Variants in CWH43 observed in about 807,000 individuals in gnomAD.
The protein encoded by CWH43 is PGAP2-interacting protein.
Under a neutral mutation model 85.7 loss-of-function variants are expected in CWH43, and 91 were observed. The observed-to-expected ratio is 1.06, with a 90% CI of 0.90 to 1.26. The LOEUF (loss-of-function observed/expected upper bound fraction) is 1.26, where lower values mean the gene tolerates loss of function less well. Among genes scored for constraint, CWH43 ranks in the 50% most tolerant of loss-of-function variants. The pLI is 0.00. For synonymous variants in CWH43, 323 were observed against 293.6 expected (o/e 1.10, Z -1.02); for missense variants, 869 against 839.2 (o/e 1.04, Z -0.44).
At chr4:49,052,362 A>G (rs1365803227) in intron 15 of CWH43, among the ~76,000 whole-genome samples, 1 of 152,196 alleles carries the variant, frequency 6.6e-6, no homozygotes, top group African/African-American at 2.4e-5. Flanking sequence ...AAAATGGGAA[A>G]AATAGTAGTG....
intron 4 of CWH43, 106 bp from the exon 5 acceptor site, chr4:48,994,513 T>C: frequency 1.1e-6 from 1 of 918,256 alleles, no homozygotes; most frequent in Middle Eastern, 3.1e-4. Flanking sequence ...CGAAGTAAGC[T>C]TCTTGAAGCC....
At position 49,032,732 on chromosome 4, in the gene CWH43, C is replaced by G. The variant is rs1784139750; in HGVS notation, c.1658+17C>G. The G allele has an allele frequency of 2.5e-6, 4 of 1,613,142 alleles. No homozygotes were observed. The highest frequency in any genetic ancestry group is 3.4e-6 in the Non-Finnish European group (4 of 1,179,144). ...GAACCACGAGTGGGTTTCTTTGGCC[C>G]ACCTAATATTACACAAATGCCAAGA... On this transcript the variant is annotated intron_variant, in intron 12 of 15. Transcript: ENST00000226432.
In CWH43 at chr4:49,008,472, C is replaced by T. The variant is rs190896211; in HGVS notation, c.1186+1146C>T. On this transcript the variant is annotated intron_variant, in intron 8 of 15. Coordinates refer to ENST00000226432, the MANE Select transcript of CWH43 (RefSeq NM_025087.3). ...TTTCTTTTGCTGTGCAGAAGCTCTT[C>T]AGTTTAATTAGATCCCATTTGTCAA... Among the ~76,000 whole-genome samples the T allele has an allele frequency of 2.6e-5, 4 of 152,022 alleles. No homozygotes were observed. In the South Asian group the frequency reaches 6.2e-4, roughly 24 times the overall value.
intron 8 of CWH43, among the ~76,000 whole-genome samples, chr4:49,008,431 T>C (rs1223600939): frequency 1.3e-5 from 2 of 152,198 alleles, no homozygotes; most frequent in East Asian, 3.8e-4. Flanking sequence ...AGGTTTCCTG[T>C]TCACTCTGAT....
chr4:48,997,394 G>T (rs1035242921), intron 5 of CWH43, among the ~76,000 whole-genome samples: 1 of 151,974 alleles, frequency 6.6e-6, no homozygotes, highest in Non-Finnish European at 1.5e-5. Context: ...TTTATTATAT[G>T]TTTCCCCCAC....
At chr4:49,006,439 T>A (rs1783160181) in intron 7 of CWH43, among the ~76,000 whole-genome samples, 2 of 152,174 alleles carry the variant, frequency 1.3e-5, no homozygotes, top group Non-Finnish European at 2.9e-5. Context: ...AAAGAATATT[T>A]ATTATATCAG....
chr4:49,038,263 C>T, intron 13 of CWH43, 83 bp downstream of exon 13: 1 of 1,270,668 alleles, frequency 7.9e-7, no homozygotes, highest in Non-Finnish European at 1.1e-6. Context: ...CCAACCTCAC[C>T]TAAAAATTTC....
chr4:49,032,820 C>A, intron 12 of CWH43, 105 bp downstream of exon 12: 2 of 1,385,640 alleles, frequency 1.4e-6, no homozygotes, highest in Non-Finnish European at 2.0e-6. Context: ...TTCTTTTTTA[C>A]CTCCCAAAGT....
At chr4:48,989,956 C>T (rs1782608073) in intron 2 of CWH43, among the ~76,000 whole-genome samples, 5 of 152,258 alleles carry the variant, frequency 3.3e-5, no homozygotes, top group Middle Eastern at 3.4e-3. Flanking sequence ...ACCGTAGCTC[C>T]GAGTCTTGCA....
At chr4:49,036,323 G>A (rs892666446) in intron 12 of CWH43, among the ~76,000 whole-genome samples, 2 of 152,152 alleles carry the variant, frequency 1.3e-5, no homozygotes, top group African/African-American at 4.8e-5. Context: ...AATGTGGGCT[G>A]GGGAAATGAA....
chr4:49,057,106 C>T (rs1479491840), intron 15 of CWH43, among the ~76,000 whole-genome samples: 1 of 152,238 alleles, frequency 6.6e-6, no homozygotes, highest in East Asian at 1.9e-4. Context: ...ATGTGAACCC[C>T]CAAAATCTGA....
At chr4:49,044,251 G>A (rs995990947) in intron 13 of CWH43, among the ~76,000 whole-genome samples, 1 of 152,134 alleles carries the variant, frequency 6.6e-6, no homozygotes, top group Non-Finnish European at 1.5e-5. Flanking sequence ...CTCCCCAGAT[G>A]TTCTTATTTC....
At chr4:48,999,507 G>C (rs1256149268) in intron 6 of CWH43, among the ~76,000 whole-genome samples, 1 of 152,194 alleles carries the variant, frequency 6.6e-6, no homozygotes, top group African/African-American at 2.4e-5. Context: ...TTCCACAAAT[G>C]TTAGACTAAT....
intron 9 of CWH43, among the ~76,000 whole-genome samples, chr4:49,018,317 C>A (rs1304531312): frequency 6.6e-6 from 1 of 152,142 alleles, no homozygotes; most frequent in Non-Finnish European, 1.5e-5. Flanking sequence ...CAGGCCCCAA[C>A]TCCAACACTA....
At chr4:49,033,228 G>A (rs1784158704) in intron 12 of CWH43, among the ~76,000 whole-genome samples, 1 of 152,204 alleles carries the variant, frequency 6.6e-6, no homozygotes, top group African/African-American at 2.4e-5. Context: ...GGGATTTGAG[G>A]TTGTTAAATG....
intron 15 of CWH43, among the ~76,000 whole-genome samples, chr4:49,052,291 G>A (rs1047485205): frequency 1.3e-5 from 2 of 152,122 alleles, no homozygotes; most frequent in Non-Finnish European, 2.9e-5. Flanking sequence ...TCTTGCCAGT[G>A]AACAGCTTGG....
At position 49,056,879 on chromosome 4, in the gene CWH43, A is replaced by G. The variant is rs546188611; in HGVS notation, c.2022-4933A>G. On this transcript the variant is annotated intron_variant, in intron 15 of 15. Transcript: ENST00000226432. ...TTTTATTTGTCTCAACATAATTTAA[A>G]TCTTTCCTTTTGATTTCTTCTTTGA... Among the ~76,000 whole-genome samples the G allele has an allele frequency of 2.6e-5, 4 of 152,270 alleles. No individual in the cohort carries two copies. The East Asian group carries it at 7.7e-4, about 29-fold the overall frequency.
chr4:49,051,780 T>G (rs1206669215), intron 15 of CWH43, among the ~76,000 whole-genome samples: 1 of 152,214 alleles, frequency 6.6e-6, no homozygotes, highest in Non-Finnish European at 1.5e-5. Flanking sequence ...TTTCACTATA[T>G]TGGTCAGGCT....
chr4:48,995,652 T>C (rs1252787747), intron 5 of CWH43, among the ~76,000 whole-genome samples: 1 of 152,182 alleles, frequency 6.6e-6, no homozygotes, highest in Non-Finnish European at 1.5e-5. Context: ...CATGTTCTTC[T>C]TCCCCCATTC....
Sources: gnomAD v4.1 joint callset for allele counts (sites outside exome capture counted in the v4.1 genomes callset) on GRCh38, gnomAD v4.1.1 for gene constraint, MANE v1.5 for transcripts, NCBI Gene and HGNC (gene_info 2026-07-23, HGNC 2026-07-21) for gene names.